The following TRRAP variants were observed in gnomAD, a reference collection of about 807,000 sequenced individuals.
TRRAP encodes transformation/transcription domain associated protein, also known as transformation/transcription domain-associated protein.
Under a neutral mutation model 438.8 loss-of-function variants are expected in TRRAP, and 41 were observed. The observed-to-expected ratio is 0.09, with a 90% CI of 0.07 to 0.12. The LOEUF (loss-of-function observed/expected upper bound fraction) is 0.12, where lower values mean the gene tolerates loss of function less well. TRRAP is among the 10% of genes least tolerant of loss of function. The pLI is 1.00. For missense variants in TRRAP, 3,122 were observed against 5,055.1 expected (o/e 0.62, Z 11.60); for synonymous variants, 1,994 against 1,962.9 (o/e 1.02, Z -0.42).
chr7:98,880,022 A>G (rs1394442239), intron 1 of TRRAP, among the ~76,000 whole-genome samples: 1 of 152,144 alleles, frequency 6.6e-6, no homozygotes, highest in Non-Finnish European at 1.5e-5. Flanking sequence ...TAAAATAGAA[A>G]CCAAGTCTCC....
chr7:98,978,701 C>T, intron 57 of TRRAP, 68 bp from the exon 58 acceptor site: 1 of 1,603,198 alleles, frequency 6.2e-7, no homozygotes, highest in East Asian at 2.2e-5. Flanking sequence ...AAAACCCTGT[C>T]CCTGCCTTTG....
At position 98,956,359 on chromosome 7, in the gene TRRAP, G is replaced by C. The variant is rs1791610545; in HGVS notation, c.6097-40G>C. On this transcript the variant is annotated intron_variant, in intron 42 of 72. Transcript: ENST00000456197. The surrounding 1 kb of genome is among the most constrained non-coding windows in gnomAD (Gnocchi z 4.5). ...ATCGTCTTCCTTTGACTTCTCCCTA[G>C]AAATCAGTCAGTAAAACCAAGCGCC... The C allele has an allele frequency of 6.2e-7, 1 of 1,613,276 alleles. No homozygotes were observed. The highest frequency in any genetic ancestry group is 1.3e-5 in the African/African-American group (1 of 74,978).
chr7:98,988,306 T>C (rs1427154468), intron 62 of TRRAP, among the ~76,000 whole-genome samples: 2 of 152,214 alleles, frequency 1.3e-5, no homozygotes, highest in Non-Finnish European at 2.9e-5. Context: ...AACAAACAGA[T>C]ACCTGTTCGG....
chr7:98,965,980 A>C (rs1792134922), intron 49 of TRRAP, 85 bp downstream of exon 49: 7 of 1,490,964 alleles, frequency 4.7e-6, no homozygotes, highest in Non-Finnish European at 6.4e-6. Flanking sequence ...TGAAACTTGA[A>C]GCAAAACATT....
chr7:98,960,191 GTACCATGTA>G (rs1430388330), intron 45 of TRRAP, among the ~76,000 whole-genome samples: 2 of 152,160 alleles, frequency 1.3e-5, no homozygotes, highest in African/African-American at 2.4e-5. Context: ...TTGTTATCAA[GTACCATGTA>G]GCACTTAGGT....
At chr7:98,974,320 T>C (rs529533190) in intron 53 of TRRAP, among the ~76,000 whole-genome samples, 1 of 152,338 alleles carries the variant, frequency 6.6e-6, no homozygotes, top group South Asian at 2.1e-4. Context: ...TCCTCTACCC[T>C]GTGAAGTGGT....
chr7:98,963,087 T>C (rs888232809), intron 47 of TRRAP, among the ~76,000 whole-genome samples: 1 of 152,224 alleles, frequency 6.6e-6, no homozygotes, highest in African/African-American at 2.4e-5. Context: ...CTCTTCCCAA[T>C]AGCAATCAGT....
At chr7:98,925,935 G>C (rs1554411469) in intron 22 of TRRAP, among the ~76,000 whole-genome samples, 1 of 152,154 alleles carries the variant, frequency 6.6e-6, no homozygotes, top group Admixed American at 6.5e-5. Flanking sequence ...ATGGAAGGCA[G>C]AAATAGACCC....
chr7:98,965,146 GCACA>G (rs375343135), intron 48 of TRRAP, among the ~76,000 whole-genome samples: 5 of 151,950 alleles, frequency 3.3e-5, no homozygotes, highest in Admixed American at 2.0e-4. Flanking sequence ...GTGTGCATGT[GCACA>G]CACACACACA....
chr7:98,981,800 G>T lies in TRRAP; in HGVS notation c.8666G>T (p.Trp2889Leu), dbSNP rs773884613. The change falls in exon 59 of 73, where the codon TGG becomes TTG. Residue 2889 changes from tryptophan to leucine, a missense_variant. Coordinates refer to ENST00000456197, the MANE Select transcript of TRRAP (RefSeq NM_001375524.1). ...GTGAGCTGTCCGAAGGAGATGGCCT[G>T]GAAGGTGAACATGTACCGCGGATAC... ...VEVSCPKEMAWKVNMYRGYLA... is the reference protein window; with the variant it reads ...VEVSCPKEMALKVNMYRGYLA... 1.9e-6 allele frequency: 3 copies of T among 1,606,716 alleles called. No individual in the cohort carries two copies. The South Asian group carries it at 3.4e-5, about 18-fold the overall frequency.
chr7:98,965,146 G>GCA (rs375343135), intron 48 of TRRAP, among the ~76,000 whole-genome samples: 253 of 152,066 alleles, frequency 1.7e-3, no homozygotes, highest in Non-Finnish European at 1.6e-3. Flanking sequence ...GTGTGCATGT[G>GCA]CACACACACA....
At chr7:98,975,048 G>C (rs1379346727) in intron 53 of TRRAP, among the ~76,000 whole-genome samples, 1 of 152,186 alleles carries the variant, frequency 6.6e-6, no homozygotes, top group Non-Finnish European at 1.5e-5. Flanking sequence ...CCAGCTCTTG[G>C]TCTCCGCTAA....
Position 98,981,796 on chromosome 7 carries a change from G to A in TRRAP, c.8662G>A (p.Ala2888Thr). 6.2e-7 allele frequency: 1 copy of A among 1,606,326 alleles called. No homozygotes were observed. Among genetic ancestry groups the A allele is most frequent in the Non-Finnish European group, 8.5e-7 (1 of 1,176,868 alleles). ...GGAAGTGAGCTGTCCGAAGGAGATG[G>A]CCTGGAAGGTGAACATGTACCGCGG... ...QVEVSCPKEM[A>T]WKVNMYRGYL... The change falls in exon 59 of 73, where the codon GCC (alanine) becomes ACC (threonine). Residue 2888 changes from alanine to threonine, a missense_variant. By Grantham distance (58) the Ala-to-Thr change is moderately conservative (BLOSUM62 0). This residue lies in a region of TRRAP where 992 missense variants were observed against 1,281.2 expected (regional missense o/e 0.77). Transcript: ENST00000456197.
Position 99,012,061 on chromosome 7 carries a change from C to G in TRRAP, c.11338-10C>G, listed in dbSNP as rs1794454822. On this transcript the variant is annotated splice_polypyrimidine_tract_variant and intron_variant, in intron 72 of 72. Coordinates refer to ENST00000456197, the MANE Select transcript of TRRAP (RefSeq NM_001375524.1). The surrounding 1 kb of genome is among the most constrained non-coding windows in gnomAD (Gnocchi z 5.9). ...TAAACACAAGTCGTCTCGTTCTCTC[C>G]CTCACGCAGGTGGATGGCATTCTGA... The G allele has an allele frequency of 1.9e-6, 3 of 1,612,006 alleles. No individual in the cohort carries two copies. The highest frequency in any genetic ancestry group is 1.3e-5 in the African/African-American group (1 of 74,902).
At chr7:98,938,341 AAAAT>A (rs1238875537) in intron 30 of TRRAP, among the ~76,000 whole-genome samples, 8 of 152,286 alleles carry the variant, frequency 5.3e-5, no homozygotes, top group East Asian at 3.9e-4. Context: ...CCTGCCTCAA[AAAAT>A]AAATAAATAA....
In TRRAP at chr7:98,976,689, T is replaced by G; in HGVS notation, c.8166T>G (p.Phe2722Leu). The G allele has an allele frequency of 6.2e-7, 1 of 1,614,134 alleles. No individual in the cohort carries two copies. The highest frequency in any genetic ancestry group is 2.2e-5 in the East Asian group (1 of 44,888). ...CGCTGATGTTGGAGCACCAGGCTTT[T>G]GAAAAGGGTCTGAGTCTTCAGATTA... ...RSTLMLEHQA[F>L]EKGLSLQIKP... Residue 2722 changes from phenylalanine to leucine, a missense_variant, in exon 55 of 73, where the codon TTT becomes TTG. This residue lies in a region of TRRAP where 992 missense variants were observed against 1,281.2 expected (regional missense o/e 0.77). Coordinates refer to ENST00000456197, the MANE Select transcript of TRRAP (RefSeq NM_001375524.1). This position sits in a 1 kb window ranked among gnomAD's most constrained non-coding sequence, Gnocchi z 4.6.
intron 50 of TRRAP, 35 bp downstream of exon 50, chr7:98,967,197 T>C (rs760675456): frequency 3.8e-5 from 60 of 1,590,474 alleles, no homozygotes; most frequent in Non-Finnish European, 5.0e-5. Context: ...CTACATATAT[T>C]GGTCCTTAAT....
chr7:98,909,660 G>C (rs2116402875), intron 14 of TRRAP, among the ~76,000 whole-genome samples: 2 of 152,338 alleles, frequency 1.3e-5, no homozygotes, highest in Middle Eastern at 6.8e-3. Flanking sequence ...AGGGGTGGTG[G>C]CGGGGCCCTG....
chr7:98,977,451 G>A lies in TRRAP; in HGVS notation c.8385+375G>A, dbSNP rs554768386. 8.5e-5 allele frequency among the ~76,000 whole-genome samples: 13 copies of A among 152,290 alleles called. No individual in the cohort carries two copies. The South Asian group carries it at 2.5e-3, about 29-fold the overall frequency. Reference sequence around the variant, plus strand: ...TAGGATTACAGGTATGAGCCACTGCGCCTGGCCCATAGTTCACATTTAAAT... The same window carrying A: ...TAGGATTACAGGTATGAGCCACTGCACCTGGCCCATAGTTCACATTTAAAT... On this transcript the variant is annotated intron_variant, in intron 56 of 72. Coordinates refer to ENST00000456197, the MANE Select transcript of TRRAP (RefSeq NM_001375524.1).
Sources: allele counts gnomAD v4.1 joint callset (sites outside exome capture counted in the v4.1 genomes callset), GRCh38; gene constraint gnomAD v4.1.1; regional missense constraint gnomAD v4.1.1; non-coding constraint Gnocchi (gnomAD v3.1); transcripts MANE v1.5; gene names NCBI Gene and HGNC (gene_info 2026-07-23, HGNC 2026-07-21).